ERBB4: variants seen among roughly 807,000 people sequenced by gnomAD.
The protein encoded by ERBB4 is erb-b2 receptor tyrosine kinase 4.
Under a neutral mutation model 158.0 loss-of-function variants are expected in ERBB4, and 42 were observed. That is an observed-to-expected ratio of 0.27 (90% confidence interval 0.21 to 0.34). ERBB4 has a LOEUF of 0.34. Ranked by LOEUF, ERBB4 falls within the 10% of genes least tolerant of loss-of-function variation. The pLI is 1.00. For missense variants in ERBB4, 1,333 were observed against 1,624.1 expected (o/e 0.82, Z 3.08); for synonymous variants, 583 against 558.7 (o/e 1.04, Z -0.61).
chr2:211,748,730 G>T (rs2075043857), intron 5 of ERBB4, among the ~76,000 whole-genome samples: 1 of 152,198 alleles, frequency 6.6e-6, no homozygotes, highest in African/African-American at 2.4e-5. Flanking sequence ...GTAGGTGAGT[G>T]AGTAAAAACT....
intron 20 of ERBB4, among the ~76,000 whole-genome samples, chr2:211,523,782 G>A (rs186973947): frequency 6.6e-6 from 1 of 152,078 alleles, no homozygotes; most frequent in African/African-American, 2.4e-5. Flanking sequence ...AGCTTCCACA[G>A]TGTGGAAGGG....
chr2:212,184,216 G>C (rs1464138168), intron 1 of ERBB4, among the ~76,000 whole-genome samples: 1 of 151,954 alleles, frequency 6.6e-6, no homozygotes, highest in African/African-American at 2.4e-5. Flanking sequence ...TCAAAACTTT[G>C]CTTAAATCTC....
At chr2:211,866,143 C>A (rs561142699) in intron 3 of ERBB4, among the ~76,000 whole-genome samples, 1 of 152,020 alleles carries the variant, frequency 6.6e-6, no homozygotes, top group African/African-American at 2.4e-5. Context: ...CCCAGCTACT[C>A]GGGAGGCTGG....
intron 20 of ERBB4, among the ~76,000 whole-genome samples, chr2:211,542,899 A>AT (rs2066849366): frequency 6.6e-6 from 1 of 151,950 alleles, no homozygotes; most frequent in Non-Finnish European, 1.5e-5. Flanking sequence ...AGATTTTTAG[A>AT]TTCGTTCAAT....
intron 19 of ERBB4, among the ~76,000 whole-genome samples, chr2:211,586,832 A>C (rs2068293658): frequency 6.6e-6 from 1 of 152,212 alleles, no homozygotes; most frequent in South Asian, 2.1e-4. Context: ...CAGATTGATA[A>C]GAAATATCAT....
chr2:211,782,822 GTTC>G (rs1478351346), intron 4 of ERBB4, among the ~76,000 whole-genome samples: 1 of 152,136 alleles, frequency 6.6e-6, no homozygotes, highest in East Asian at 1.9e-4. Flanking sequence ...CTACAGCTTT[GTTC>G]TTTTGGCTTA....
chr2:211,855,928 C>T (rs1025623124), intron 3 of ERBB4, among the ~76,000 whole-genome samples: 1 of 152,050 alleles, frequency 6.6e-6, no homozygotes, highest in Non-Finnish European at 1.5e-5. Flanking sequence ...AAAAAAGATT[C>T]TACAGATGAA....
chr2:212,333,912 T>A (rs116482416), intron 1 of ERBB4, among the ~76,000 whole-genome samples: 1 of 152,160 alleles, frequency 6.6e-6, no homozygotes, highest in African/African-American at 2.4e-5. Context: ...TATTAGTTTC[T>A]GCTCCACATG....
intron 1 of ERBB4, among the ~76,000 whole-genome samples, chr2:212,152,538 A>G (rs774319099): frequency 1.3e-5 from 2 of 152,148 alleles, no homozygotes; most frequent in Non-Finnish European, 2.9e-5. Context: ...ATTTGCTTGT[A>G]GAACTTAGTC....
In ERBB4 at chr2:212,003,099, C is replaced by CAGAAAGAAAGAAAGAAAGAA. The variant is rs1161309914; in HGVS notation, c.235-55484_235-55483insTTCTTTCTTTCTTTCTTTCT. Among the ~76,000 whole-genome samples, 2 of 54,404 alleles carry CAGAAAGAAAGAAAGAAAGAA rather than the reference C, an allele frequency of 3.7e-5. 1 individual carries two copies. The highest frequency in any genetic ancestry group is 8.9e-5 in the Non-Finnish European group (2 of 22,356). The allele number at this position is 54,404 out of a possible 152,430, so 35.7% of individuals were successfully genotyped here. A position where few individuals can be genotyped will look rare whatever the true frequency, so the allele number is the denominator to read the frequency against. ...AGAGAGAGAGAAAGAGAGACAGAGACAGAAAGAAAGAAAGAAGGAAGGAAG... is the reference window on the plus strand; with the variant it reads ...AGAGAGAGAGAAAGAGAGACAGAGACAGAAAGAAAGAAAGAAAGAAAGAAAGAAAGAAAGAAGGAAGGAAG... On this transcript the variant is annotated intron_variant, in intron 2 of 27. Transcript: ENST00000342788.
chr2:212,184,414 A>G (rs1003373155), intron 1 of ERBB4, among the ~76,000 whole-genome samples: 2 of 152,064 alleles, frequency 1.3e-5, no homozygotes, highest in Non-Finnish European at 2.9e-5. Flanking sequence ...TAAGGCTCTG[A>G]ATTGGTTGAT....
At chr2:212,507,678 A>C (rs767127954) in intron 1 of ERBB4, among the ~76,000 whole-genome samples, 1 of 152,194 alleles carries the variant, frequency 6.6e-6, no homozygotes, top group Admixed American at 6.5e-5. Context: ...TATGTGACTG[A>C]ATTGCTGCAA....
intron 1 of ERBB4, among the ~76,000 whole-genome samples, chr2:212,141,177 C>T (rs572260431): frequency 6.6e-6 from 1 of 151,908 alleles, no homozygotes; most frequent in South Asian, 2.1e-4. Flanking sequence ...AGACACATTA[C>T]CTTTTATAAA....
chr2:211,956,980 C>G (rs1389685461), intron 2 of ERBB4, among the ~76,000 whole-genome samples: 1 of 152,010 alleles, frequency 6.6e-6, no homozygotes, highest in Admixed American at 6.6e-5. Flanking sequence ...TACAGCTACA[C>G]AACACCACAC....
intron 16 of ERBB4, among the ~76,000 whole-genome samples, chr2:211,642,418 T>C (rs1160579134): frequency 1.3e-5 from 2 of 152,068 alleles, no homozygotes; most frequent in Non-Finnish European, 2.9e-5. Flanking sequence ...TTTTCACTCA[T>C]TTTCTGCTAT....
chr2:212,310,349 AG>A (rs1574652506), intron 1 of ERBB4, among the ~76,000 whole-genome samples: 2 of 150,812 alleles, frequency 1.3e-5, no homozygotes, highest in African/African-American at 4.8e-5. Context: ...AGACACTGAC[AG>A]ATGATATTCA....
intron 1 of ERBB4, among the ~76,000 whole-genome samples, chr2:212,387,465 T>C (rs78264271): frequency 7.1e-4 from 84 of 118,808 alleles, no homozygotes; most frequent in Middle Eastern, 7.8e-3. Context: ...TTTTTTTTTT[T>C]CTTTTTTTGA....
intron 4 of ERBB4, among the ~76,000 whole-genome samples, chr2:211,759,815 G>C (rs1196902962): frequency 3.0e-5 from 1 of 33,022 alleles, no homozygotes; most frequent in Non-Finnish European, 9.9e-5. Flanking sequence ...GAGTGTGTGT[G>C]TGTGTGTGTG....
chr2:211,947,669 A>G, intron 2 of ERBB4, 53 bp from the exon 3 acceptor site: 1 of 1,456,140 alleles, frequency 6.9e-7, no homozygotes, highest in Non-Finnish European at 9.6e-7. Flanking sequence ...GTCACTCTGT[A>G]TATGTAGCAA....
Sources: gnomAD v4.1 joint callset for allele counts (sites outside exome capture counted in the v4.1 genomes callset) on GRCh38, gnomAD v4.1.1 for gene constraint, MANE v1.5 for transcripts, NCBI Gene and HGNC (gene_info 2026-07-23, HGNC 2026-07-21) for gene names.